MKLN1: variants seen among roughly 807,000 people sequenced by gnomAD.
MKLN1 encodes muskelin.
MKLN1 carries 18 observed loss-of-function variants against 99.0 expected under a neutral mutation model. The ratio of observed to expected loss-of-function variants is 0.18; its 90% CI spans 0.13 to 0.27. MKLN1 has a LOEUF of 0.27. MKLN1 is among the 10% of genes least tolerant of loss of function. The pLI is 1.00. For synonymous variants in MKLN1, 288 were observed against 293.2 expected, an observed-to-expected ratio of 0.98 and a Z score of 0.18; for missense variants, 621 against 875.9, an observed-to-expected ratio of 0.71 and a Z score of 3.67.
At chr7:131,482,496 G>C (rs1344597540) in intron 17 of MKLN1, among the ~76,000 whole-genome samples, 1 of 152,100 alleles carries the variant, frequency 6.6e-6, no homozygotes, top group African/African-American at 2.4e-5. Context: ...GAAATAAGAA[G>C]TGTACATTTA....
At chr7:131,198,774 A>C (rs1029361282) in intron 2 of MKLN1, among the ~76,000 whole-genome samples, 1 of 152,254 alleles carries the variant, frequency 6.6e-6, no homozygotes, top group Non-Finnish European at 1.5e-5. Context: ...AAAAAAATTC[A>C]AACAACACAA....
chr7:131,241,837 T>C (rs139071850), intron 3 of MKLN1, among the ~76,000 whole-genome samples: 3 of 152,228 alleles, frequency 2.0e-5, no homozygotes. Flanking sequence ...TTCCCTCATT[T>C]TCTGCTAATT....
chr7:131,476,450 A>G (rs1796970415), intron 16 of MKLN1, among the ~76,000 whole-genome samples: 1 of 152,220 alleles, frequency 6.6e-6, no homozygotes, highest in Non-Finnish European at 1.5e-5. Context: ...CAAGATTACA[A>G]AAATACAAGG....
chr7:131,335,201 G>T (rs867927288), intron 1 of MKLN1, among the ~76,000 whole-genome samples: 2 of 152,020 alleles, frequency 1.3e-5, no homozygotes, highest in Admixed American at 1.3e-4. Context: ...AAATTTTTTT[G>T]TTGTTGTTTA....
intron 2 of MKLN1, among the ~76,000 whole-genome samples, chr7:131,378,343 C>G (rs1359205704): frequency 6.6e-6 from 1 of 152,194 alleles, no homozygotes; most frequent in East Asian, 1.9e-4. Context: ...AATTCCTGAC[C>G]TCAGGTGATC....
chr7:131,328,060 G>T, intron 1 of MKLN1, 63 bp downstream of exon 1: 1 of 1,565,302 alleles, frequency 6.4e-7, no homozygotes, highest in South Asian at 1.2e-5. Flanking sequence ...TTGGGCCAGG[G>T]GTGCAATGGA....
intron 3 of MKLN1, among the ~76,000 whole-genome samples, chr7:131,255,454 A>G (rs1211099052): frequency 6.6e-6 from 1 of 152,262 alleles, no homozygotes; most frequent in Non-Finnish European, 1.5e-5. Flanking sequence ...AAATAAGATT[A>G]ACATCTGACT....
At chr7:131,287,814 C>T (rs1798155320) in intron 3 of MKLN1, among the ~76,000 whole-genome samples, 1 of 151,912 alleles carries the variant, frequency 6.6e-6, no homozygotes, top group Non-Finnish European at 1.5e-5. Flanking sequence ...GGGGGAGGTT[C>T]CCCCCATGCT....
At chr7:131,463,085 C>G (rs1796562991) in intron 12 of MKLN1, 132 bp from the exon 13 acceptor site, 1 of 728,190 alleles carries the variant, frequency 1.4e-6, no homozygotes. Context: ...TTGTGCCTCA[C>G]TGCACTTCAG....
In MKLN1 at chr7:131,443,611, G is replaced by T; in HGVS notation, c.1304G>T (p.Cys435Phe). The part of the protein sequence containing the change: ...FSGLFAFNCQ[C>F]QTWKLLREDS... ...GGCTTGTTTGCTTTCAACTGTCAAT[G>T]TCAAACCTGGAAACTTCTTCGAGAG... Residue 435 changes from cysteine (C) to phenylalanine (F), a missense_variant, in exon 11 of 18, where the codon TGT (cysteine) becomes TTT (phenylalanine). By Grantham distance (205) the Cys-to-Phe change is radical. Coordinates refer to ENST00000352689, the MANE Select transcript of MKLN1 (RefSeq NM_013255.5). The T allele has an allele frequency of 1.9e-6, 3 of 1,614,178 alleles. No individual in the cohort carries two copies. The highest frequency in any genetic ancestry group is 2.5e-6 in the Non-Finnish European group (3 of 1,180,014).
intron 8 of MKLN1, among the ~76,000 whole-genome samples, chr7:131,428,328 A>T (rs556497235): frequency 3.3e-5 from 5 of 152,340 alleles, no homozygotes; most frequent in South Asian, 4.1e-4. Context: ...AATTCTCAAG[A>T]TACTTAGAAT....
At chr7:131,173,778 A>G (rs1056649124) in intron 2 of MKLN1, among the ~76,000 whole-genome samples, 1 of 152,126 alleles carries the variant, frequency 6.6e-6, no homozygotes, top group Non-Finnish European at 1.5e-5. Context: ...GTGCTGCTCC[A>G]CGAGGAGCAG....
At chr7:131,307,932 T>C (rs757261234) in intron 3 of MKLN1, among the ~76,000 whole-genome samples, 3 of 152,166 alleles carry the variant, frequency 2.0e-5, no homozygotes, top group African/African-American at 7.2e-5. Flanking sequence ...GGCAGAATGA[T>C]ATGGTTTGGC....
intron 6 of MKLN1, 72 bp downstream of exon 6, chr7:131,399,505 G>T: frequency 1.6e-6 from 2 of 1,258,750 alleles, no homozygotes; most frequent in Non-Finnish European, 2.2e-6. Context: ...AAATAATATA[G>T]GCTTATGCCA....
chr7:131,443,714 C>G lies in MKLN1; in HGVS notation c.1395+12C>G. The G allele has an allele frequency of 6.5e-7, 1 of 1,532,884 alleles. No individual in the cohort carries two copies. Among genetic ancestry groups the G allele is most frequent in the Non-Finnish European group, 9.0e-7 (1 of 1,106,286 alleles). The allele number at this position is 1,532,884 out of a possible 1,614,324, so 95.0% of individuals were successfully genotyped here. ...TGTTATTCCACTCAGTAAGAACATTCCGTACATTGCGTAAATGTTATTTTG... is the reference window on the plus strand; with the variant it reads ...TGTTATTCCACTCAGTAAGAACATTGCGTACATTGCGTAAATGTTATTTTG... On this transcript the variant is annotated intron_variant, in intron 11 of 17. Transcript: ENST00000352689.
chr7:131,445,618 A>G (rs925460614), intron 11 of MKLN1, among the ~76,000 whole-genome samples, 156 bp from the exon 12 acceptor site: 1 of 152,140 alleles, frequency 6.6e-6, no homozygotes, highest in African/African-American at 2.4e-5. Flanking sequence ...AGCAATATGT[A>G]GAGAGCTTCC....
At chr7:131,307,276 C>A (rs1359036553) in intron 3 of MKLN1, among the ~76,000 whole-genome samples, 1 of 152,162 alleles carries the variant, frequency 6.6e-6, no homozygotes, top group Non-Finnish European at 1.5e-5. Context: ...CAGAAGTCTG[C>A]TGCAGGGGTA....
intron 16 of MKLN1, among the ~76,000 whole-genome samples, chr7:131,473,867 G>A (rs928565480): frequency 6.6e-6 from 1 of 152,168 alleles, no homozygotes; most frequent in Non-Finnish European, 1.5e-5. Flanking sequence ...ATAAGTACTG[G>A]GCCGGGCACA....
At chr7:131,167,350 A>C (rs1039476704) in intron 2 of MKLN1, among the ~76,000 whole-genome samples, 5 of 152,082 alleles carry the variant, frequency 3.3e-5, no homozygotes, top group African/African-American at 1.2e-4. Context: ...AAAATTCTGA[A>C]AGTCAATTCT....
Sources: allele counts gnomAD v4.1 joint callset (sites outside exome capture counted in the v4.1 genomes callset), GRCh38; gene constraint gnomAD v4.1.1; transcripts MANE v1.5; gene names NCBI Gene and HGNC (gene_info 2026-07-23, HGNC 2026-07-21).